The following AP1AR variants were observed in gnomAD, a reference collection of about 807,000 sequenced individuals.
The protein encoded by AP1AR is AP-1 complex-associated regulatory protein.
AP1AR carries 29 observed loss-of-function variants against 46.3 expected under a neutral mutation model. The ratio of observed to expected loss-of-function variants is 0.63; its 90% CI spans 0.47 to 0.85. AP1AR has a LOEUF of 0.85. Among genes scored for constraint, AP1AR ranks in the 40% least tolerant of loss-of-function variants. The probability of loss-of-function intolerance (pLI) is 0.00; values close to 1 mark genes in which losing one functional copy is unlikely to be tolerated. For missense variants in AP1AR, 357 were observed against 356.3 expected, an observed-to-expected ratio of 1.00 and a Z score of -0.02; for synonymous variants, 122 against 122.9, an observed-to-expected ratio of 0.99 and a Z score of 0.05.
At chr4:112,243,970 G>C (rs938692165) in intron 1 of AP1AR, among the ~76,000 whole-genome samples, 6 of 151,986 alleles carry the variant, frequency 3.9e-5, no homozygotes, top group Admixed American at 6.6e-5. Context: ...TTTTCAATCT[G>C]TTGATGTGAA....
intron 6 of AP1AR, among the ~76,000 whole-genome samples, chr4:112,264,089 T>TCA (rs1163807219): frequency 6.6e-6 from 1 of 152,190 alleles, no homozygotes; most frequent in African/African-American, 2.4e-5. Context: ...TTTTTCCCTC[T>TCA]CTCTCTCTGC....
chr4:112,256,338 T>G (rs1256781231), intron 3 of AP1AR, among the ~76,000 whole-genome samples: 1 of 152,236 alleles, frequency 6.6e-6, no homozygotes, highest in Non-Finnish European at 1.5e-5. Context: ...TGTCTTCATG[T>G]CTTTCTCTTA....
intron 3 of AP1AR, among the ~76,000 whole-genome samples, chr4:112,255,165 T>C (rs1726131470): frequency 6.6e-6 from 1 of 152,086 alleles, no homozygotes; most frequent in African/African-American, 2.4e-5. Flanking sequence ...TTCACCATGT[T>C]AGCCAGGATG....
At chr4:112,241,562 C>T (rs958353586) in intron 1 of AP1AR, among the ~76,000 whole-genome samples, 7 of 152,142 alleles carry the variant, frequency 4.6e-5, no homozygotes, top group Admixed American at 1.3e-4. Flanking sequence ...GATGGCAACC[C>T]ACCCACCTTG....
intron 1 of AP1AR, among the ~76,000 whole-genome samples, chr4:112,248,094 A>C (rs1025369344): frequency 6.6e-6 from 1 of 152,256 alleles, no homozygotes; most frequent in Non-Finnish European, 1.5e-5. Context: ...AAATGCAGGA[A>C]ATACAGGGGA....
At chr4:112,240,420 A>C (rs1233926560) in intron 1 of AP1AR, among the ~76,000 whole-genome samples, 3 of 152,170 alleles carry the variant, frequency 2.0e-5, no homozygotes, top group African/African-American at 7.2e-5. Flanking sequence ...GTTTATAGTC[A>C]TACTGATATA....
rs139387850 is a variant in AP1AR at position 112,254,578 on chromosome 4, G to A, written c.133-169G>A. Among the ~76,000 whole-genome samples, 3 of 152,076 alleles carry A rather than the reference G, an allele frequency of 2.0e-5. No homozygotes were observed. In the East Asian group the frequency reaches 5.8e-4, roughly 29 times the overall value. ...ATATGCTTGTCTTGGCCATTTTGTA[G>A]GACTGTTAAATATATCAAATGAAAT... is the stretch of plus-strand genomic sequence containing the variant. On this transcript the variant is annotated intron_variant, in intron 2 of 9. Coordinates refer to ENST00000274000, the MANE Select transcript of AP1AR (RefSeq NM_018569.6).
intron 1 of AP1AR, among the ~76,000 whole-genome samples, chr4:112,251,792 A>G (rs1048130645): frequency 5.9e-5 from 9 of 152,226 alleles, no homozygotes; most frequent in African/African-American, 2.2e-4. Flanking sequence ...TAGTCCATGA[A>G]ATCTGTGGAA....
rs576622416 is a variant in AP1AR at position 112,257,129 on chromosome 4, T to C, written c.160-643T>C. ...ACACTGGAATACTTAGAGGTCATTTTAAACAGAAATCACCAGCAAAAAAGC... is the reference window on the plus strand; with the variant it reads ...ACACTGGAATACTTAGAGGTCATTTCAAACAGAAATCACCAGCAAAAAAGC... On this transcript the variant is annotated intron_variant, in intron 3 of 9. Transcript: ENST00000274000. 2.6e-5 allele frequency among the ~76,000 whole-genome samples: 4 copies of C among 152,328 alleles called. No homozygotes were observed. The South Asian group carries it at 8.3e-4, about 32-fold the overall frequency.
intron 5 of AP1AR, among the ~76,000 whole-genome samples, chr4:112,261,749 A>G (rs1414043815): frequency 6.6e-6 from 1 of 151,718 alleles, no homozygotes; most frequent in Non-Finnish European, 1.5e-5. Flanking sequence ...TGGACAGATC[A>G]CTTAAGCCCA....
At chr4:112,267,909 C>T (rs745711657) in intron 9 of AP1AR, among the ~76,000 whole-genome samples, 2 of 151,780 alleles carry the variant, frequency 1.3e-5, no homozygotes, top group South Asian at 2.1e-4. Context: ...ATCGGATAAT[C>T]GATGCATCAA....
At chr4:112,240,428 A>G (rs1289654165) in intron 1 of AP1AR, among the ~76,000 whole-genome samples, 2 of 152,208 alleles carry the variant, frequency 1.3e-5, no homozygotes, top group Non-Finnish European at 2.9e-5. Flanking sequence ...TCATACTGAT[A>G]TAGTGTGATT....
At chr4:112,264,912 A>T (rs1031285295) in intron 6 of AP1AR, 97 bp from the exon 7 acceptor site, 2 of 903,532 alleles carry the variant, frequency 2.2e-6, no homozygotes, top group African/African-American at 3.4e-5. Flanking sequence ...TTTTTTTTAG[A>T]AACTAGAAAA....
intron 5 of AP1AR, among the ~76,000 whole-genome samples, chr4:112,262,002 A>G (rs1726467682): frequency 6.6e-6 from 1 of 151,776 alleles, no homozygotes; most frequent in Admixed American, 6.6e-5. Flanking sequence ...ACACATATAC[A>G]TACATACATA....
At chr4:112,254,091 C>T (rs1726080883) in intron 2 of AP1AR, among the ~76,000 whole-genome samples, 1 of 152,030 alleles carries the variant, frequency 6.6e-6, no homozygotes, top group African/African-American at 2.4e-5. Context: ...CAATAAAACA[C>T]CTTTTATTTC....
At chr4:112,258,288 A>ATATACAATGT (rs1435629545) in intron 4 of AP1AR, among the ~76,000 whole-genome samples, 27 of 152,232 alleles carry the variant, frequency 1.8e-4, no homozygotes, top group Admixed American at 1.4e-3. Context: ...AATAGTTTTC[A>ATATACAATGT]TATACAATGT....
intron 3 of AP1AR, 56 bp downstream of exon 3, chr4:112,254,829 C>T: frequency 2.2e-6 from 2 of 899,602 alleles, no homozygotes; most frequent in African/African-American, 1.7e-5. Flanking sequence ...TTAATCGTCT[C>T]ATTAGTTCTA....
At chr4:112,253,144 C>A in intron 1 of AP1AR, 64 bp from the exon 2 acceptor site, 1 of 1,210,416 alleles carries the variant, frequency 8.3e-7, no homozygotes, top group Non-Finnish European at 1.2e-6. Context: ...TGTTTTTATG[C>A]TATATATTAA....
At position 112,258,110 on chromosome 4, in the gene AP1AR, TCTTTC is replaced by T. The variant is rs1427196851; in HGVS notation, c.185+317_185+321del. 2.0e-4 allele frequency among the ~76,000 whole-genome samples: 30 copies of T among 152,308 alleles called. No homozygotes were observed. In the East Asian group the frequency reaches 5.4e-3, roughly 27 times the overall value. On this transcript the variant is annotated intron_variant, in intron 4 of 9. Transcript: ENST00000274000. ...AAATTTTTTAACTTTATTGCCCCTTTCTTTCCTTATGCATTCTAAAACTTATTCTA... is the reference window on the plus strand; with the variant it reads ...AAATTTTTTAACTTTATTGCCCCTTTCTTATGCATTCTAAAACTTATTCTA...
Sources: gnomAD v4.1 joint callset for allele counts (sites outside exome capture counted in the v4.1 genomes callset) on GRCh38, gnomAD v4.1.1 for gene constraint, MANE v1.5 for transcripts, NCBI Gene and HGNC (gene_info 2026-07-23, HGNC 2026-07-21) for gene names.